Variants in DENND5B observed in about 807,000 individuals in gnomAD.
DENND5B encodes the protein DENN domain-containing protein 5B.
A neutral mutation model predicts 140.6 loss-of-function variants in DENND5B; 34 were observed. The ratio of observed to expected loss-of-function variants is 0.24; its 90% CI spans 0.18 to 0.32. The LOEUF (loss-of-function observed/expected upper bound fraction) is 0.32. Among genes scored for constraint, DENND5B ranks in the 10% least tolerant of loss-of-function variants. DENND5B has a pLI of 1.00. For missense variants in DENND5B, 1,142 were observed against 1,560.2 expected, an observed-to-expected ratio of 0.73 and a Z score of 4.52; for synonymous variants, 551 against 562.1, an observed-to-expected ratio of 0.98 and a Z score of 0.28.
chr12:31,566,915 A>G (rs1337962276), intron 1 of DENND5B, among the ~76,000 whole-genome samples: 1 of 152,164 alleles, frequency 6.6e-6, no homozygotes, highest in Non-Finnish European at 1.5e-5. Context: ...TCTACCAGCT[A>G]CTTGGGAAGC....
intron 1 of DENND5B, among the ~76,000 whole-genome samples, chr12:31,584,967 A>C (rs1950346747): frequency 6.6e-6 from 1 of 152,160 alleles, no homozygotes; most frequent in Non-Finnish European, 1.5e-5. Context: ...AGGCTAGCCA[A>C]TTAGAGATCA....
At chr12:31,490,111 G>T (rs994757283) in intron 2 of DENND5B, among the ~76,000 whole-genome samples, 1 of 149,894 alleles carries the variant, frequency 6.7e-6, no homozygotes, top group Non-Finnish European at 1.5e-5. Context: ...GTTGGACTTG[G>T]CAAGTAGGTG....
chr12:31,511,921 C>CTTTTTTTTT (rs761566462), intron 1 of DENND5B, among the ~76,000 whole-genome samples: 37 of 98,926 alleles, frequency 3.7e-4, no homozygotes, highest in Admixed American at 5.9e-4. Context: ...CTCCACTGCC[C>CTTTTTTTTT]TTTTTTTTTT....
At chr12:31,584,524 A>G (rs1409166778) in intron 1 of DENND5B, among the ~76,000 whole-genome samples, 1 of 152,218 alleles carries the variant, frequency 6.6e-6, no homozygotes, top group Admixed American at 6.5e-5. Flanking sequence ...CTATAAAGAA[A>G]TGGCGCAGCC....
intron 1 of DENND5B, among the ~76,000 whole-genome samples, chr12:31,502,099 G>A (rs963622236): frequency 2.6e-5 from 4 of 152,004 alleles, no homozygotes; most frequent in Non-Finnish European, 4.4e-5. Context: ...GGCGGATCAC[G>A]AGGTCAGGAG....
chr12:31,419,130 C>T (rs1593116149), intron 11 of DENND5B, among the ~76,000 whole-genome samples: 1 of 152,152 alleles, frequency 6.6e-6, no homozygotes, highest in Non-Finnish European at 1.5e-5. Context: ...TCCATGAATC[C>T]TACTCCAGCT....
intron 1 of DENND5B, among the ~76,000 whole-genome samples, chr12:31,566,338 C>CTGTG (rs6144677): frequency 0.092 from 13,558 of 148,134 alleles, 1,266 homozygotes; most frequent in African/African-American, 0.24. Flanking sequence ...CTCTTAAAAA[C>CTGTG]TGTGTGTGTG....
At chr12:31,449,714 T>C (rs967448981) in intron 5 of DENND5B, among the ~76,000 whole-genome samples, 1 of 146,174 alleles carries the variant, frequency 6.8e-6, no homozygotes, top group South Asian at 2.2e-4. Flanking sequence ...GGATAAACCA[T>C]GGATATACAC....
chr12:31,566,252 C>T (rs901487695), intron 1 of DENND5B, among the ~76,000 whole-genome samples: 2 of 151,622 alleles, frequency 1.3e-5, no homozygotes, highest in South Asian at 2.1e-4. Flanking sequence ...CCCAGGAGTT[C>T]GAGGCTATAG....
At chr12:31,391,752 C>T (rs774865777) in intron 19 of DENND5B, among the ~76,000 whole-genome samples, 29 of 152,096 alleles carry the variant, frequency 1.9e-4, no homozygotes, top group Non-Finnish European at 2.9e-4. Flanking sequence ...TCCTAGGCTC[C>T]TGGGCTCAAG....
chr12:31,484,824 CAAAAT>C (rs1244035410), intron 2 of DENND5B, among the ~76,000 whole-genome samples: 1 of 148,902 alleles, frequency 6.7e-6, no homozygotes, highest in South Asian at 2.1e-4. Flanking sequence ...CAAAACAAAA[CAAAAT>C]AAAATAAAAG....
At chr12:31,445,981 C>T (rs1944258489) in intron 6 of DENND5B, among the ~76,000 whole-genome samples, 1 of 150,890 alleles carries the variant, frequency 6.6e-6, no homozygotes. Context: ...TGCACTCCAG[C>T]CTAGGCAACA....
rs1222902728 is a variant in DENND5B, at chr12:31,386,466, T to C, written c.*1137A>G. The C allele has an allele frequency of 2.0e-5, 3 of 152,312 alleles. No individual in the cohort carries two copies. Among genetic ancestry groups the C allele is most frequent in the Non-Finnish European group, 4.4e-5 (3 of 68,120 alleles). The allele number at this position is 152,312 out of a possible 1,614,324, so 9.4% of individuals were successfully genotyped here. A position where few individuals can be genotyped will look rare whatever the true frequency, so the allele number is the denominator to read the frequency against. On this transcript the variant is annotated 3_prime_UTR_variant, in exon 21 of 21. Transcript: ENST00000389082. The stretch of plus-strand genomic sequence containing the variant: ...TCTCTGGGTCAGTTGTTTTACATTA[T>C]TACTCCCCTTCCTACAAAGGAACGT...
intron 3 of DENND5B, among the ~76,000 whole-genome samples, chr12:31,460,601 T>A (rs1449774345): frequency 6.7e-6 from 1 of 149,598 alleles, no homozygotes; most frequent in African/African-American, 2.6e-5. Context: ...GTGGGAAACA[T>A]CACACTCTTT....
intron 4 of DENND5B, among the ~76,000 whole-genome samples, chr12:31,454,001 G>C (rs2138153930): frequency 6.6e-6 from 1 of 152,050 alleles, no homozygotes; most frequent in East Asian, 1.9e-4. Flanking sequence ...AATTAGCTGG[G>C]CATGGTGGCA....
chr12:31,469,675 C>T (rs1945451999), intron 3 of DENND5B, among the ~76,000 whole-genome samples: 2 of 152,136 alleles, frequency 1.3e-5, no homozygotes, highest in Non-Finnish European at 1.5e-5. Flanking sequence ...GTTTGTTGGC[C>T]CCAATGTTGG....
chr12:31,447,459 G>T, intron 6 of DENND5B, 79 bp downstream of exon 6: 2 of 1,246,694 alleles, frequency 1.6e-6, no homozygotes, highest in Non-Finnish European at 2.2e-6. Flanking sequence ...AATTAATTTT[G>T]TTGTACGTAA....
At chr12:31,493,538 G>A (rs1434697616) in intron 2 of DENND5B, among the ~76,000 whole-genome samples, 1 of 151,950 alleles carries the variant, frequency 6.6e-6, no homozygotes, top group Non-Finnish European at 1.5e-5. Flanking sequence ...TACTAAAAAT[G>A]CAAAAATGAG....
In DENND5B at chr12:31,385,551, G is replaced by A. The variant is rs1940814560; in HGVS notation, c.*2052C>T. The A allele has an allele frequency of 6.6e-6, 1 of 152,206 alleles. No homozygotes were observed. Among genetic ancestry groups the A allele is most frequent in the African/African-American group, 2.4e-5 (1 of 41,448 alleles). The allele number at this position is 152,206 out of a possible 1,614,324, so 9.4% of individuals were successfully genotyped here. ...CACAGTAGGAGCCCAGTGTAAAACA[G>A]GTTCTGGATATCTCCCACGATAAAC... On this transcript the variant is annotated 3_prime_UTR_variant, in exon 21 of 21. Transcript: ENST00000389082.
Sources: allele counts gnomAD v4.1 joint callset (sites outside exome capture counted in the v4.1 genomes callset), GRCh38; gene constraint gnomAD v4.1.1; transcripts MANE v1.5; gene names NCBI Gene and HGNC (gene_info 2026-07-23, HGNC 2026-07-21).